BLTP2: variants seen among roughly 807,000 people sequenced by gnomAD.
The protein encoded by BLTP2 is bridge-like lipid transfer protein family member 2, also known as U937-associated antigen.
At chr17:28,643,479 C>T in the BLTP2 span, 1 of 1,327,782 alleles carries the variant, frequency 7.5e-7, no homozygotes, top group Non-Finnish European at 1.1e-6. Context: ...GGCACCCAGG[C>T]TAACAGGAAG....
At chr17:28,620,107 G>C in the BLTP2 span, 3 of 1,187,326 alleles carry the variant, frequency 2.5e-6, no homozygotes, top group South Asian at 4.4e-5. Context: ...AATGGGGGGG[G>C]TCTCTTCTAG....
At chr17:28,641,097 C>A in the BLTP2 span, among the ~76,000 whole-genome samples, 2 of 152,202 alleles carry the variant, frequency 1.3e-5, no homozygotes, top group Non-Finnish European at 2.9e-5. Context: ...TCCAGGACCC[C>A]CTGCAGATAC....
the BLTP2 span, chr17:28,643,111 C>T: frequency 6.2e-7 from 1 of 1,609,960 alleles, no homozygotes; most frequent in South Asian, 1.1e-5. Flanking sequence ...CCCATAACTC[C>T]AAAGCCAACC....
At chr17:28,632,346 A>C in the BLTP2 span, 1 of 888,128 alleles carries the variant, frequency 1.1e-6, no homozygotes, top group Non-Finnish European at 1.7e-6. Flanking sequence ...CAAAATCCAA[A>C]CAGCACCTAG....
the BLTP2 span, chr17:28,642,871 T>C: frequency 6.4e-7 from 1 of 1,566,336 alleles, no homozygotes. Context: ...GTGCTTACCT[T>C]TTCCCATCAC....
the BLTP2 span, among the ~76,000 whole-genome samples, chr17:28,629,409 G>A: frequency 1.3e-5 from 2 of 151,916 alleles, no homozygotes; most frequent in African/African-American, 4.8e-5. Flanking sequence ...TCATGCTTCA[G>A]TCTCCAAGTA....
chr17:28,631,682 C>A, the BLTP2 span: 1 of 1,613,828 alleles, frequency 6.2e-7, no homozygotes, highest in Non-Finnish European at 8.5e-7. Flanking sequence ...ACTGTGCCTG[C>A]TGAGAAAAAG....
the BLTP2 span, chr17:28,618,996 G>A: frequency 1.9e-6 from 3 of 1,600,896 alleles, no homozygotes; most frequent in Non-Finnish European, 2.6e-6. Context: ...GGGAGCCAAA[G>A]CCAGTAAGGG....
At chr17:28,642,119 T>C in the BLTP2 span, 4 of 1,603,184 alleles carry the variant, frequency 2.5e-6, no homozygotes, top group East Asian at 4.5e-5. Flanking sequence ...GTAAGAAAGT[T>C]TGGAAGTTTT....
At chr17:28,636,625 A>G in the BLTP2 span, among the ~76,000 whole-genome samples, 2 of 152,250 alleles carry the variant, frequency 1.3e-5, no homozygotes, top group Non-Finnish European at 2.9e-5. Context: ...ACAAAAGCTT[A>G]TAAATTCTCT....
the BLTP2 span, chr17:28,642,827 G>T: frequency 1.8e-6 from 2 of 1,141,222 alleles, no homozygotes; most frequent in Non-Finnish European, 2.7e-6. Context: ...CAACTCTGAG[G>T]CAAGAATAGG....
At chr17:28,628,417 C>T in the BLTP2 span, 18 of 1,614,146 alleles carry the variant, frequency 1.1e-5, no homozygotes, top group African/African-American at 6.7e-5. Flanking sequence ...AGAAAGATTA[C>T]GTTTGAGTAC....
At chr17:28,641,848 G>A in the BLTP2 span, 3 of 1,553,698 alleles carry the variant, frequency 1.9e-6, no homozygotes, top group Admixed American at 3.7e-5. Context: ...AACAAACCCT[G>A]AGAACAAGGC....
the BLTP2 span, among the ~76,000 whole-genome samples, chr17:28,631,253 A>G: frequency 6.6e-6 from 1 of 152,188 alleles, no homozygotes; most frequent in African/African-American, 2.4e-5. Flanking sequence ...CCTCTCTGCC[A>G]TGTGAGGACA....
the BLTP2 span, chr17:28,614,846 T>C: frequency 4.2e-6 from 2 of 480,442 alleles, no homozygotes; most frequent in Non-Finnish European, 3.7e-6. Flanking sequence ...CTTGCTCTCT[T>C]GTTGCCTCTC....
chr17:28,616,440 C>A, the BLTP2 span: 4 of 1,614,198 alleles, frequency 2.5e-6, no homozygotes, highest in East Asian at 2.2e-5. This position sits in a 1 kb window ranked among gnomAD's most constrained non-coding sequence, Gnocchi z 4.8. Flanking sequence ...CTGTGCCACA[C>A]CCTTCCCAGG....
At chr17:28,637,311 C>T in the BLTP2 span, 1 of 697,730 alleles carries the variant, frequency 1.4e-6, no homozygotes, top group South Asian at 1.8e-5. Context: ...TTTAAGTAAA[C>T]TTTCCCTTTC....
At chr17:28,633,995 A>C in the BLTP2 span, 1 of 1,614,110 alleles carries the variant, frequency 6.2e-7, no homozygotes, top group African/African-American at 1.3e-5. Flanking sequence ...GACGGGAGCA[A>C]GGCTGACCAC....
chr17:28,637,156 G>A, the BLTP2 span: 4 of 1,613,874 alleles, frequency 2.5e-6, no homozygotes, highest in Non-Finnish European at 3.4e-6. Flanking sequence ...GTGTCCAGTC[G>A]TACCTCTGAA....
Sources: gnomAD v4.1 joint callset for allele counts (sites outside exome capture counted in the v4.1 genomes callset) on GRCh38, gnomAD v4.1.1 for gene constraint, Gnocchi (gnomAD v3.1) non-coding constraint, MANE v1.5 for transcripts, NCBI Gene and HGNC (gene_info 2026-07-23, HGNC 2026-07-21) for gene names.